CSTPP1: variants seen among roughly 807,000 people sequenced by gnomAD.
CSTPP1 encodes the protein UPF0705 protein C11orf49.
the CSTPP1 span, chr11:47,137,523 C>T: frequency 6.5e-7 from 1 of 1,548,326 alleles, no homozygotes; most frequent in Non-Finnish European, 8.7e-7. Context: ...ACCCTTCACA[C>T]TGACTTGCTT....
At chr11:47,129,208 A>G in the CSTPP1 span, among the ~76,000 whole-genome samples, 1 of 152,164 alleles carries the variant, frequency 6.6e-6, no homozygotes, top group African/African-American at 2.4e-5. Flanking sequence ...GTTTCCAAAG[A>G]AAAACTGGAA....
the CSTPP1 span, among the ~76,000 whole-genome samples, chr11:47,152,878 G>A: frequency 2.0e-5 from 3 of 152,104 alleles, no homozygotes; most frequent in African/African-American, 4.8e-5. Flanking sequence ...CTGTTCTGTC[G>A]TAATTCACTT....
At chr11:46,986,813 TACTA>T in the CSTPP1 span, among the ~76,000 whole-genome samples, 3 of 152,202 alleles carry the variant, frequency 2.0e-5, no homozygotes, top group Admixed American at 6.5e-5. Flanking sequence ...AGCATGGAAT[TACTA>T]ACTCCCTGGG....
At chr11:46,991,988 G>A in the CSTPP1 span, among the ~76,000 whole-genome samples, 1 of 152,076 alleles carries the variant, frequency 6.6e-6, no homozygotes, top group Non-Finnish European at 1.5e-5. Flanking sequence ...TGATCTGCCC[G>A]CCTTGGCATC....
At chr11:47,137,092 T>C in the CSTPP1 span, among the ~76,000 whole-genome samples, 1 of 152,180 alleles carries the variant, frequency 6.6e-6, no homozygotes, top group Non-Finnish European at 1.5e-5. Flanking sequence ...ACCAGATTTG[T>C]GTTCAGCCAT....
At chr11:47,048,028 A>G in the CSTPP1 span, among the ~76,000 whole-genome samples, 1 of 152,234 alleles carries the variant, frequency 6.6e-6, no homozygotes, top group Admixed American at 6.5e-5. Context: ...GAGGTGGACA[A>G]ATTGGAGCCC....
At chr11:47,134,065 C>G in the CSTPP1 span, among the ~76,000 whole-genome samples, 4 of 152,240 alleles carry the variant, frequency 2.6e-5, no homozygotes, top group Non-Finnish European at 5.9e-5. Flanking sequence ...ACCCTCCTCT[C>G]TTTCCTTGCT....
the CSTPP1 span, among the ~76,000 whole-genome samples, chr11:47,084,933 C>T: frequency 6.6e-6 from 1 of 151,900 alleles, no homozygotes; most frequent in Non-Finnish European, 1.5e-5. Context: ...GCCTGTAATC[C>T]CAGCACTTTG....
chr11:47,074,025 C>A, the CSTPP1 span, among the ~76,000 whole-genome samples: 2 of 152,092 alleles, frequency 1.3e-5, no homozygotes, highest in African/African-American at 4.8e-5. Context: ...TATGTTCCTA[C>A]ACCTTTCTTC....
At chr11:47,014,169 A>T in the CSTPP1 span, among the ~76,000 whole-genome samples, 1 of 151,768 alleles carries the variant, frequency 6.6e-6, no homozygotes, top group South Asian at 2.1e-4. Flanking sequence ...CTCCAGCCTG[A>T]GTGACACAGT....
At chr11:46,965,881 A>C in the CSTPP1 span, among the ~76,000 whole-genome samples, 1 of 152,234 alleles carries the variant, frequency 6.6e-6, no homozygotes, top group African/African-American at 2.4e-5. Context: ...ATTAAAGTTC[A>C]CAGGTCTATG....
At chr11:47,106,276 C>A in the CSTPP1 span, among the ~76,000 whole-genome samples, 2 of 152,082 alleles carry the variant, frequency 1.3e-5, no homozygotes, top group African/African-American at 2.4e-5. Flanking sequence ...GGAAGGAGAA[C>A]CGATCAAATT....
At chr11:46,941,396 A>G in the CSTPP1 span, among the ~76,000 whole-genome samples, 1 of 151,900 alleles carries the variant, frequency 6.6e-6, no homozygotes, top group Non-Finnish European at 1.5e-5. Context: ...CTGGAGTGCA[A>G]TGATGTGATC....
At chr11:47,155,915 G>C in the CSTPP1 span, 3 of 152,400 alleles carry the variant, frequency 2.0e-5, no homozygotes, top group Non-Finnish European at 2.9e-5. Flanking sequence ...GAATCAGATG[G>C]AATAAATATA....
chr11:47,122,170 T>C, the CSTPP1 span, among the ~76,000 whole-genome samples: 1 of 147,216 alleles, frequency 6.8e-6, no homozygotes, highest in Non-Finnish European at 1.5e-5. Flanking sequence ...TTCTATGCCC[T>C]TATTTTGATA....
chr11:47,056,206 G>T, the CSTPP1 span, among the ~76,000 whole-genome samples: 2 of 151,996 alleles, frequency 1.3e-5, no homozygotes, highest in Non-Finnish European at 2.9e-5. Flanking sequence ...GTGTATTTTC[G>T]ATCCATATTT....
chr11:46,973,607 A>C, the CSTPP1 span, among the ~76,000 whole-genome samples: 1 of 152,212 alleles, frequency 6.6e-6, no homozygotes, highest in African/African-American at 2.4e-5. Context: ...GGGATAAATA[A>C]AGGATATCTC....
the CSTPP1 span, among the ~76,000 whole-genome samples, chr11:47,106,661 A>C: frequency 0.016 from 2,373 of 151,966 alleles, 34 homozygotes; most frequent in Middle Eastern, 0.027. Context: ...AAAAGAAAAG[A>C]AAAGAACATG....
chr11:47,016,839 C>CTTTTTTTTT, the CSTPP1 span, among the ~76,000 whole-genome samples: 6 of 99,826 alleles, frequency 6.0e-5, no homozygotes, highest in Non-Finnish European at 1.1e-4. Flanking sequence ...TCATTTAGTA[C>CTTTTTTTTT]TTTTTTTTTT....
Sources: allele counts gnomAD v4.1 joint callset (sites outside exome capture counted in the v4.1 genomes callset), GRCh38; gene constraint gnomAD v4.1.1; transcripts MANE v1.5; gene names NCBI Gene and HGNC (gene_info 2026-07-23, HGNC 2026-07-21).